SLC6A14: variants seen among roughly 807,000 people sequenced by gnomAD.
SLC6A14 encodes the protein solute carrier family 6 member 14.
In SLC6A14, 21 loss-of-function variants were observed where a neutral mutation model predicts 51.4. The observed-to-expected ratio is 0.41, with a 90% CI of 0.29 to 0.59. SLC6A14 has a LOEUF of 0.59. SLC6A14 is among the 20% of genes least tolerant of loss of function. The probability of loss-of-function intolerance (pLI) is 0.31; values close to 1 mark genes in which losing one functional copy is unlikely to be tolerated. For synonymous variants in SLC6A14, 177 were observed against 160.7 expected (o/e 1.10, Z -0.77); for missense variants, 371 against 472.8 (o/e 0.78, Z 2.00).
intron 8 of SLC6A14, among the ~76,000 whole-genome samples, chrX:116,452,273 C>T (rs1227419525): frequency 1.4e-4 from 16 of 111,023 alleles, no homozygotes; most frequent in African/African-American, 5.2e-4. Flanking sequence ...TATCTAGTGT[C>T]CAGCTCCTCA....
chrX:116,449,757 CTCAGAAA>C (rs1458830475), intron 7 of SLC6A14, among the ~76,000 whole-genome samples: 1 of 111,466 alleles, frequency 9.0e-6, no homozygotes, highest in Non-Finnish European at 1.9e-5. Context: ...GGATAATAGT[CTCAGAAA>C]TAAATTCAAA....
At chrX:116,457,478 C>A in intron 12 of SLC6A14, 131 bp from the exon 13 acceptor site, 2 of 495,131 alleles carry the variant, frequency 4.0e-6, no homozygotes, top group Non-Finnish European at 6.2e-6. Context: ...CTGATTATTT[C>A]AATTATTTGA....
In SLC6A14 at chrX:116,454,197, A is replaced by T. The variant is rs1481928657; in HGVS notation, c.1286-127A>T. 3.0e-5 allele frequency: 13 copies of T among 433,985 alleles called. No individual in the cohort carries two copies. In the African/African-American group the frequency reaches 3.0e-4, roughly 10 times the overall value. The allele number at this position is 433,985 out of a possible 1,213,427, so 35.8% of individuals were successfully genotyped here. ...AAAAACCCTGTGGGTTTTTAAAAGCAGGGAACAGGGCTCAGAGTCTATTTT... is the reference window on the plus strand; with the variant it reads ...AAAAACCCTGTGGGTTTTTAAAAGCTGGGAACAGGGCTCAGAGTCTATTTT... On this transcript the variant is annotated intron_variant, in intron 9 of 13. Transcript: ENST00000598581.
At chrX:116,455,704 G>A (rs1239058858) in intron 12 of SLC6A14, among the ~76,000 whole-genome samples, 2 of 111,589 alleles carry the variant, frequency 1.8e-5, no homozygotes, top group African/African-American at 6.5e-5. Context: ...TCGTATAGAT[G>A]TAAAAGTTAT....
intron 6 of SLC6A14, among the ~76,000 whole-genome samples, chrX:116,446,185 T>A (rs1255463616): frequency 3.9e-5 from 4 of 103,162 alleles, no homozygotes; most frequent in Non-Finnish European, 8.2e-5. Flanking sequence ...AACCATGTGT[T>A]ATCTAGTACA....
chrX:116,451,791 C>T, intron 8 of SLC6A14, 121 bp downstream of exon 8: 1 of 425,525 alleles, frequency 2.4e-6, no homozygotes, highest in Non-Finnish European at 3.9e-6. Context: ...AATTTTCTTC[C>T]TCATTTCATC....
intron 12 of SLC6A14, among the ~76,000 whole-genome samples, chrX:116,457,183 C>T (rs1376468966): frequency 1.8e-5 from 2 of 111,469 alleles, no homozygotes; most frequent in African/African-American, 6.5e-5. Flanking sequence ...GTGTACTTCA[C>T]ATTCTCATTG....
chrX:116,455,199 T>C (rs1378601384), intron 11 of SLC6A14, 123 bp downstream of exon 11: 2 of 593,719 alleles, frequency 3.4e-6, no homozygotes, highest in African/African-American at 4.6e-5. Flanking sequence ...AAGTACAATA[T>C]ACTGCACAAC....
At chrX:116,444,134 T>C (rs7052454) in intron 5 of SLC6A14, among the ~76,000 whole-genome samples, 1,605 of 112,213 alleles carry the variant, frequency 0.014, 30 homozygotes, top group African/African-American at 0.049. Context: ...GATAAATAGT[T>C]GGGTGATGAG....
intron 12 of SLC6A14, among the ~76,000 whole-genome samples, chrX:116,457,158 A>G (rs1328646984): frequency 1.8e-5 from 2 of 111,619 alleles, no homozygotes; most frequent in African/African-American, 6.5e-5. Context: ...CAAGGAGAAA[A>G]GCATGCCCAC....
chrX:116,457,657 G>T lies in SLC6A14; in HGVS notation c.1663G>T (p.Ala555Ser). 2 of 1,207,242 alleles carry T rather than the reference G, an allele frequency of 1.7e-6. No homozygotes were observed. The highest frequency in any genetic ancestry group is 2.2e-6 in the Non-Finnish European group (2 of 891,948). ...GCAATTTCATAGACCTAATTATGGC[G>T]CAATTCCATACCCTGACTGGGGAGT... is the stretch of plus-strand genomic sequence containing the variant. ...LVQFHRPNYG[A>S]IPYPDWGVAL... The change falls in exon 13 of 14, where the codon GCA becomes TCA. Residue 555 changes from alanine to serine, a missense_variant. Physicochemically the swap from Ala to Ser is moderately conservative, Grantham distance 99 (BLOSUM62 1). This residue lies in a region of SLC6A14 where 94 missense variants were observed against 81.0 expected (regional missense o/e 1.16). Transcript: ENST00000598581.
intron 12 of SLC6A14, among the ~76,000 whole-genome samples, chrX:116,457,182 A>G (rs1381972105): frequency 2.7e-5 from 3 of 111,665 alleles, no homozygotes; most frequent in African/African-American, 9.7e-5. Context: ...GGTGTACTTC[A>G]CATTCTCATT....
intron 4 of SLC6A14, 48 bp from the exon 5 acceptor site, chrX:116,443,592 ATCT>A (rs1278372099): frequency 1.2e-6 from 1 of 860,618 alleles, no homozygotes; most frequent in Admixed American, 4.1e-5. Context: ...TAGGAAAGTA[ATCT>A]TCTAAAACTA....
At chrX:116,454,756 A>G (rs1391576046) in intron 10 of SLC6A14, among the ~76,000 whole-genome samples, 5 of 111,629 alleles carry the variant, frequency 4.5e-5, no homozygotes. Flanking sequence ...AACAAATTTA[A>G]GTGCTTATTT....
At chrX:116,441,141 C>G in intron 3 of SLC6A14, 44 bp downstream of exon 3, 2 of 1,177,240 alleles carry the variant, frequency 1.7e-6, no homozygotes, top group Non-Finnish European at 2.3e-6. Flanking sequence ...ATTTTCTTCA[C>G]CATGCTTTTT....
rs1928031531 is a variant in SLC6A14, at chrX:116,460,614, G to A, written c.*1659G>A. 1.9e-5 allele frequency: 2 copies of A among 104,964 alleles called. No individual in the cohort carries two copies. The highest frequency in any genetic ancestry group is 7.1e-5 in the African/African-American group (2 of 28,323). The allele number at this position is 104,964 out of a possible 1,213,427, so 8.7% of individuals were successfully genotyped here. A position where few individuals can be genotyped will look rare whatever the true frequency, so the allele number is the denominator to read the frequency against. On this transcript the variant is annotated 3_prime_UTR_variant, in exon 14 of 14. Coordinates refer to ENST00000598581, the MANE Select transcript of SLC6A14 (RefSeq NM_007231.5). ...GTCAGAGTCTTGTTCTGTTGCCCGGGCTGGAGTGCAGTGGCATGATCTCAG... is the reference window on the plus strand; with the variant it reads ...GTCAGAGTCTTGTTCTGTTGCCCGGACTGGAGTGCAGTGGCATGATCTCAG...
intron 8 of SLC6A14, among the ~76,000 whole-genome samples, chrX:116,452,148 A>G (rs1233552169): frequency 1.8e-5 from 2 of 111,357 alleles, no homozygotes; most frequent in Non-Finnish European, 3.8e-5. Context: ...ATTCTGGGGG[A>G]AAATACTAGG....
In SLC6A14 at chrX:116,457,643, G is replaced by T; in HGVS notation, c.1649G>T (p.Arg550Ile). ...ATCTGGTCATTGGTGCAATTTCATA[G>T]ACCTAATTATGGCGCAATTCCATAC... The part of the protein sequence containing the change: ...IFIWSLVQFH[R>I]PNYGAIPYPD... The change falls in exon 13 of 14, where the codon AGA becomes ATA. Residue 550 changes from arginine to isoleucine, a missense_variant. Coordinates refer to ENST00000598581, the MANE Select transcript of SLC6A14 (RefSeq NM_007231.5). The T allele has an allele frequency of 8.3e-7, 1 of 1,208,576 alleles. No homozygotes were observed. Among genetic ancestry groups the T allele is most frequent in the South Asian group, 1.8e-5 (1 of 56,644 alleles).
Position 116,437,751 on chromosome X carries a change from T to C in SLC6A14, c.49-39T>C, listed in dbSNP as rs1335634206. On this transcript the variant is annotated intron_variant, in intron 1 of 13. Transcript: ENST00000598581. ...AATTATGCTTCTGTGGAATTTGTAA[T>C]GGTAGAAAGGCAAGCTGTTGATATT... is the stretch of plus-strand genomic sequence containing the variant. The C allele has an allele frequency of 2.6e-6, 3 of 1,154,709 alleles. No homozygotes were observed. The African/African-American group carries it at 5.4e-5, about 21-fold the overall frequency.
Sources: allele counts gnomAD v4.1 joint callset (sites outside exome capture counted in the v4.1 genomes callset), GRCh38; gene constraint gnomAD v4.1.1; regional missense constraint gnomAD v4.1.1; transcripts MANE v1.5; gene names NCBI Gene and HGNC (gene_info 2026-07-23, HGNC 2026-07-21).